Variants in VPS13D observed in about 807,000 individuals in gnomAD.
The protein encoded by VPS13D is intermembrane lipid transfer protein VPS13D.
VPS13D carries 187 observed loss-of-function variants against 461.9 expected under a neutral mutation model. That is an observed-to-expected ratio of 0.40 (90% CI 0.36 to 0.46). The LOEUF (loss-of-function observed/expected upper bound fraction) is 0.46, where lower values mean the gene tolerates loss of function less well. Ranked by LOEUF, VPS13D falls within the 20% of genes least tolerant of loss-of-function variation. The pLI is 0.60. For synonymous variants in VPS13D, 1,951 were observed against 1,986.3 expected (o/e 0.98, Z 0.47); for missense variants, 4,711 against 5,364.9 (o/e 0.88, Z 3.81).
chr1:12,270,895 T>A, intron 16 of VPS13D, 99 bp from the exon 17 acceptor site: 8 of 1,453,908 alleles, frequency 5.5e-6, no homozygotes, highest in East Asian at 2.4e-5. Flanking sequence ...TTTTTTTTTT[T>A]AAGCTTTGAT....
In VPS13D at chr1:12,244,576, G is replaced by C; in HGVS notation, c.406G>C (p.Val136Leu). The change falls in exon 5 of 70, where the codon GTT becomes CTT. Residue 136 changes from valine to leucine, a missense_variant. By Grantham distance (32) the Val-to-Leu change is conservative. This residue lies in a region of VPS13D where 4,411 missense variants were observed against 4,937.8 expected (regional missense o/e 0.89). Coordinates refer to ENST00000620676, the MANE Select transcript of VPS13D (RefSeq NM_015378.4). ...QQKGESYWYS[V>L]TASVVTRIVE... The stretch of plus-strand genomic sequence containing the variant: ...GAAAGGGGAGTCCTATTGGTATTCA[G>C]TTACCGCCTCCGTAGTTACAAGGAT... 1 of 1,614,228 alleles carries C rather than the reference G, an allele frequency of 6.2e-7. No individual in the cohort carries two copies. The highest frequency in any genetic ancestry group is 2.2e-5 in the East Asian group (1 of 44,888).
chr1:12,424,766 A>G (rs1644903689), intron 65 of VPS13D, among the ~76,000 whole-genome samples: 2 of 152,236 alleles, frequency 1.3e-5, no homozygotes. Context: ...GTTAAGAACA[A>G]GCTTCTTCAG....
chr1:12,316,683 AT>A (rs757347300), intron 30 of VPS13D, among the ~76,000 whole-genome samples: 5 of 152,294 alleles, frequency 3.3e-5, no homozygotes, highest in Admixed American at 1.3e-4. Flanking sequence ...CCTCAGAAAT[AT>A]TTCCAAGTTA....
rs1428571494 is a variant in VPS13D, at chr1:12,268,690, C to T, written c.1802-16C>T. 6.2e-7 allele frequency: 1 copy of T among 1,609,720 alleles called. No homozygotes were observed. Among genetic ancestry groups the T allele is most frequent in the East Asian group, 2.2e-5 (1 of 44,836 alleles). On this transcript the variant is annotated splice_polypyrimidine_tract_variant and intron_variant, in intron 15 of 69. Coordinates refer to ENST00000620676, the MANE Select transcript of VPS13D (RefSeq NM_015378.4). ...TTTGCCTTGTTCCGTGTTCTTATTCCTGTTCTTTCCTTTAGCTGCAGATCC... is the reference window on the plus strand; with the variant it reads ...TTTGCCTTGTTCCGTGTTCTTATTCTTGTTCTTTCCTTTAGCTGCAGATCC...
chr1:12,453,051 G>A (rs1645283107), intron 65 of VPS13D, among the ~76,000 whole-genome samples: 1 of 152,118 alleles, frequency 6.6e-6, no homozygotes, highest in Non-Finnish European at 1.5e-5. Flanking sequence ...TGATCTCTTA[G>A]GTCATCTCAT....
chr1:12,385,441 T>A (rs950990008), intron 59 of VPS13D, 68 bp downstream of exon 59: 1 of 1,271,048 alleles, frequency 7.9e-7, no homozygotes, highest in African/African-American at 1.5e-5. Flanking sequence ...TTGGTGGTAT[T>A]TTAGACCTTC....
At chr1:12,452,378 C>T (rs1165773878) in intron 65 of VPS13D, among the ~76,000 whole-genome samples, 1 of 152,188 alleles carries the variant, frequency 6.6e-6, no homozygotes, top group Admixed American at 6.5e-5. Flanking sequence ...TATCTCTGCC[C>T]TGTTTTGATG....
rs568638849 is a variant in VPS13D at position 12,506,836 on chromosome 1, C to G, written c.12795-17C>G. The G allele has an allele frequency of 5.6e-6, 9 of 1,611,450 alleles. No homozygotes were observed. The Admixed American group carries it at 8.3e-5, about 15-fold the overall frequency. ...AAGCCCCAGGTGTCACTCCTGTGTT[C>G]CCGTCTCGCTTTGCAGCTTCATCGC... On this transcript the variant is annotated splice_polypyrimidine_tract_variant and intron_variant, in intron 68 of 69. Coordinates refer to ENST00000620676, the MANE Select transcript of VPS13D (RefSeq NM_015378.4).
rs750085555 is a variant in VPS13D, at chr1:12,283,388, A to G, written c.5286A>G (p.Pro1762=). 37 of 1,613,834 alleles carry G rather than the reference A, an allele frequency of 2.3e-5. No individual in the cohort carries two copies. The South Asian group carries it at 4.1e-4, about 18-fold the overall frequency. ...EVQDKDYPLT[P]PPSPTVDEPK... is the part of the protein sequence containing the mutation. ...AAGACAAGGACTATCCCTTGACCCC[A>G]CCTCCTTCTCCAACAGTGGATGAGC... Residue 1762 remains proline, a synonymous_variant, in exon 21 of 70, where the codon CCA becomes CCG. Transcript: ENST00000620676.
chr1:12,383,995 A>G (rs1333381239), intron 58 of VPS13D, among the ~76,000 whole-genome samples: 1 of 152,154 alleles, frequency 6.6e-6, no homozygotes, highest in East Asian at 1.9e-4. Flanking sequence ...ATACATACTA[A>G]AGAATTTGTG....
Position 12,343,106 on chromosome 1 carries a change from G to A in VPS13D, c.8885+55G>A, listed in dbSNP as rs1024978762. 12 of 1,472,756 alleles carry A rather than the reference G, an allele frequency of 8.1e-6. No homozygotes were observed. In the African/African-American group the frequency reaches 1.3e-4, roughly 15 times the overall value. The allele number at this position is 1,472,756 out of a possible 1,614,324, so 91.2% of individuals were successfully genotyped here. On this transcript the variant is annotated intron_variant, in intron 42 of 69. Coordinates refer to ENST00000620676, the MANE Select transcript of VPS13D (RefSeq NM_015378.4). ...AAAAAGAAAGTGGATGTAAGTGAGG[G>A]TCCCTAGTGTTTTGTCTTTTTACTT...
At position 12,432,651 on chromosome 1, in the gene VPS13D, A is replaced by G. The variant is rs116705010; in HGVS notation, c.12333+15824A>G. ...AAGACAGTCTCACTGGCTGAAGTGC[A>G]ATGGCACCATCTTGTCTCACTGCAA... On this transcript the variant is annotated intron_variant, in intron 65 of 69. Transcript: ENST00000620676. Among the ~76,000 whole-genome samples the G allele has an allele frequency of 5.0e-3, 756 of 150,708 alleles. 6 individuals are homozygous for G. The highest frequency in any genetic ancestry group is 0.017 in the African/African-American group (685 of 40,966).
chr1:12,291,211 T>C, intron 23 of VPS13D, 87 bp downstream of exon 23: 12 of 1,431,546 alleles, frequency 8.4e-6, no homozygotes, highest in Non-Finnish European at 1.1e-5. Flanking sequence ...TAAAGAAAAC[T>C]TTTAAAAATT....
chr1:12,289,016 AT>A (rs1642051358), intron 22 of VPS13D, among the ~76,000 whole-genome samples: 1 of 151,946 alleles, frequency 6.6e-6, no homozygotes. Flanking sequence ...TAATTTTTGT[AT>A]TTTTGGTAGA....
intron 43 of VPS13D, among the ~76,000 whole-genome samples, chr1:12,346,168 A>C (rs1234255788): frequency 6.6e-6 from 1 of 152,246 alleles, no homozygotes; most frequent in African/African-American, 2.4e-5. Context: ...GGAAATGCAG[A>C]CGTGCAGAGA....
At chr1:12,232,047 A>AT (rs1004682785) in intron 1 of VPS13D, among the ~76,000 whole-genome samples, 1 of 152,064 alleles carries the variant, frequency 6.6e-6, no homozygotes, top group African/African-American at 2.4e-5. Context: ...ACTGTTGAGC[A>AT]TTTTTTTTAA....
chr1:12,410,295 T>G (rs1389215464), intron 63 of VPS13D, among the ~76,000 whole-genome samples: 1 of 152,206 alleles, frequency 6.6e-6, no homozygotes, highest in Non-Finnish European at 1.5e-5. Flanking sequence ...GGAATGGCAT[T>G]GGTTTTCGTT....
At chr1:12,240,818 C>T (rs574360535) in intron 2 of VPS13D, among the ~76,000 whole-genome samples, 4 of 64,586 alleles carry the variant, frequency 6.2e-5, no homozygotes, top group Admixed American at 2.5e-4. Context: ...GGTGGTGGGG[C>T]GGGGTGGGGG....
chr1:12,247,786 C>T (rs1046523221), intron 5 of VPS13D, among the ~76,000 whole-genome samples: 11 of 151,696 alleles, frequency 7.3e-5, no homozygotes, highest in South Asian at 6.3e-4. Flanking sequence ...TCACTGCAAC[C>T]TCCGCCTCCC....
Sources: allele counts gnomAD v4.1 joint callset (sites outside exome capture counted in the v4.1 genomes callset), GRCh38; gene constraint gnomAD v4.1.1; regional missense constraint gnomAD v4.1.1; transcripts MANE v1.5; gene names NCBI Gene and HGNC (gene_info 2026-07-23, HGNC 2026-07-21).